The following HNRNPL variants were observed in gnomAD, a reference collection of about 807,000 sequenced individuals.
HNRNPL encodes the protein heterogeneous nuclear ribonucleoprotein L.
Under a neutral mutation model 64.0 loss-of-function variants are expected in HNRNPL, and 12 were observed. The ratio of observed to expected loss-of-function variants is 0.19; its 90% CI spans 0.12 to 0.30. The LOEUF (loss-of-function observed/expected upper bound fraction) is 0.30. HNRNPL is among the 10% of genes least tolerant of loss of function. The pLI, the probability that HNRNPL is intolerant of heterozygous loss-of-function variation, is 1.00. For synonymous variants in HNRNPL, 385 were observed against 313.0 expected (o/e 1.23, Z -2.43); for missense variants, 484 against 797.4 (o/e 0.61, Z 4.73).
chr19:38,847,122 G>A (rs928735162), intron 2 of HNRNPL, among the ~76,000 whole-genome samples, 194 bp downstream of exon 2: 11 of 152,100 alleles, frequency 7.2e-5, no homozygotes, highest in African/African-American at 2.2e-4. Context: ...GAGGAAAAAC[G>A]AAGGAAGGAA....
intron 10 of HNRNPL, 66 bp downstream of exon 10, chr19:38,838,331 A>C (rs1276790593): frequency 7.3e-7 from 1 of 1,363,132 alleles, no homozygotes; most frequent in African/African-American, 1.4e-5. Context: ...AAAAGACTGA[A>C]ATGAATGGCC....
chr19:38,841,301 CACA>C (rs778095566), intron 6 of HNRNPL: 22 of 328,016 alleles, frequency 6.7e-5, no homozygotes, highest in African/African-American at 1.1e-4. Context: ...TGAAATTCCT[CACA>C]ACAACCCTAT....
intron 1 of HNRNPL, among the ~76,000 whole-genome samples, chr19:38,848,521 C>T (rs752079077): frequency 3.3e-5 from 5 of 152,256 alleles, no homozygotes; most frequent in Non-Finnish European, 5.9e-5. Context: ...TAACTCTCTT[C>T]CGCCTCTCCT....
Position 38,836,831 on chromosome 19 carries a change from A to T in HNRNPL, c.1712-51T>A, listed in dbSNP as rs551217755. Reference sequence around the variant, plus strand: ...GGTTCCCGTCTTTGGAGGCTCCCCAAACCCAGGTCCCCTCAAGTTTGTACC... The same window carrying T: ...GGTTCCCGTCTTTGGAGGCTCCCCATACCCAGGTCCCCTCAAGTTTGTACC... On this transcript the variant is annotated intron_variant, in intron 12 of 12. Transcript: ENST00000221419. 8 of 1,405,958 alleles carry T rather than the reference A, an allele frequency of 5.7e-6. No homozygotes were observed. The East Asian group carries it at 1.6e-4, about 28-fold the overall frequency. 87.1% of individuals were successfully genotyped at this position (1,405,958 alleles called of 1,614,324 possible). A position where few individuals can be genotyped will look rare whatever the true frequency, so the allele number is the denominator to read the frequency against.
intron 7 of HNRNPL, 24 bp from the exon 8 acceptor site, chr19:38,840,400 G>A (rs369853294): frequency 1.3e-6 from 2 of 1,566,654 alleles, no homozygotes; most frequent in Admixed American, 3.9e-5. Flanking sequence ...AGGAAAGAGA[G>A]GGAGGACGGG....
chr19:38,846,563 G>A (rs1328724165), intron 2 of HNRNPL, among the ~76,000 whole-genome samples: 4 of 152,188 alleles, frequency 2.6e-5, no homozygotes, highest in African/African-American at 4.8e-5. Context: ...CTTGGGCCTA[G>A]GAGTTTGAGA....
intron 6 of HNRNPL, 31 bp downstream of exon 6, chr19:38,843,811 A>G (rs756738326): frequency 3.2e-6 from 5 of 1,569,226 alleles, no homozygotes; most frequent in East Asian, 2.2e-5. Context: ...CAAGGCGGGT[A>G]TGTTTAGAAC....
intron 6 of HNRNPL, 158 bp from the exon 7 acceptor site, chr19:38,840,717 C>T (rs891003922): frequency 2.3e-5 from 15 of 653,924 alleles, no homozygotes; most frequent in Non-Finnish European, 3.5e-5. Context: ...TGACCTACGG[C>T]GGGCATGAAG....
upstream of HNRNPL, among the ~76,000 whole-genome samples, chr19:38,850,644 G>A (rs976273338): frequency 6.6e-6 from 1 of 152,356 alleles, no homozygotes; most frequent in East Asian, 1.9e-4. Context: ...CAGAGGCGGG[G>A]CCCCCTTATG....
chr19:38,838,635 CAA>C, intron 9 of HNRNPL, 37 bp from the exon 10 acceptor site: 5 of 1,589,530 alleles, frequency 3.1e-6, no homozygotes, highest in Non-Finnish European at 4.3e-6. Context: ...TTGTCATACC[CAA>C]AGTTGTCCCT....
chr19:38,844,273 T>C (rs1568371717), intron 4 of HNRNPL, among the ~76,000 whole-genome samples, 169 bp from the exon 5 acceptor site: 1 of 152,204 alleles, frequency 6.6e-6, no homozygotes, highest in Non-Finnish European at 1.5e-5. Context: ...ACCAAAACGG[T>C]GTTGATGGAC....
chr19:38,843,837 A>T lies in HNRNPL; in HGVS notation c.880+5T>A. 6.2e-7 allele frequency: 1 copy of T among 1,612,574 alleles called. No homozygotes were observed. Among genetic ancestry groups the T allele is most frequent in the Non-Finnish European group, 8.5e-7 (1 of 1,178,542 alleles). On this transcript the variant is annotated splice_donor_5th_base_variant and intron_variant, in intron 6 of 12. Coordinates refer to ENST00000221419, the MANE Select transcript of HNRNPL (RefSeq NM_001533.3). ...TGTTTAGAACAAAGTGGTCGTCAAGATTACCTTGTCCACTGAGATTGGGGT... is the reference window on the plus strand; with the variant it reads ...TGTTTAGAACAAAGTGGTCGTCAAGTTTACCTTGTCCACTGAGATTGGGGT...
Position 38,840,312 on chromosome 19 carries a change from G to C in HNRNPL, c.1017C>G (p.His339Gln), listed in dbSNP as rs1972069634. 2.6e-6 allele frequency: 4 copies of C among 1,556,512 alleles called. No homozygotes were observed. Among genetic ancestry groups the C allele is most frequent in the Non-Finnish European group, 3.5e-6 (4 of 1,147,066 alleles). Residue 339 changes from histidine (H) to glutamine (Q), a missense_variant, in exon 8 of 13, where the codon CAC (histidine) becomes CAG (glutamine). By Grantham distance (24) the His-to-Gln change is conservative. Around this residue, in one of 9 missense-constraint regions of HNRNPL, gnomAD observed 46 missense variants for 37.4 expected, o/e 1.23. Coordinates refer to ENST00000221419, the MANE Select transcript of HNRNPL (RefSeq NM_001533.3). ...GTGGACCCATCCTTCTCCCTTCGTA[G>C]TGAGGTGGGGGGGGCCCGTAGCCCT... is the stretch of plus-strand genomic sequence containing the variant. Reference protein sequence around the residue: ...HDEGYGPPPPHYEGRRMGPPV... With the variant: ...HDEGYGPPPPQYEGRRMGPPV...
In HNRNPL at chr19:38,836,915, G is replaced by A. The variant is rs1971947377; in HGVS notation, c.1712-135C>T. ...TCTAAGGAGTGACTGCCCAACGTGA[G>A]GCTTCAAGATGAGCCAATTACCAAT... On this transcript the variant is annotated intron_variant, in intron 12 of 12. Transcript: ENST00000221419. 1.1e-5 allele frequency: 7 copies of A among 622,092 alleles called. No individual in the cohort carries two copies. The South Asian group carries it at 1.5e-4, about 14-fold the overall frequency. The allele number at this position is 622,092 out of a possible 1,614,324, so 38.5% of individuals were successfully genotyped here.
At chr19:38,852,028 G>A (rs1412413635), upstream of HNRNPL, among the ~76,000 whole-genome samples, 2 of 151,614 alleles carry the variant, frequency 1.3e-5, no homozygotes, top group South Asian at 2.1e-4. Context: ...GGTGGGGGGA[G>A]GGGGAGAGAG....
In HNRNPL at chr19:38,838,559, G is replaced by A. The variant is rs772507708; in HGVS notation, c.1395C>T (p.Tyr465=). ...KQPAIMPGQS[Y]GLEDGSCSYK... ...AACTGCAAGACCCGTCTTCCAACCC[G>A]TATGACTGACCAGGCATGATGGCTG... Residue 465 remains tyrosine, a synonymous_variant, in exon 10 of 13, where the codon TAC becomes TAT. Transcript: ENST00000221419. 9.9e-6 allele frequency: 16 copies of A among 1,614,102 alleles called. No homozygotes were observed. Among genetic ancestry groups the A allele is most frequent in the South Asian group, 6.6e-5 (6 of 91,076 alleles).
chr19:38,837,027 T>C (rs117497239), intron 12 of HNRNPL: 2 of 544,916 alleles, frequency 3.7e-6, no homozygotes, highest in East Asian at 6.0e-5. Flanking sequence ...AATGGGCCTC[T>C]CCCAGCAACT....
chr19:38,838,328 T>G (rs73537647), intron 10 of HNRNPL, 69 bp downstream of exon 10: 1 of 1,334,732 alleles, frequency 7.5e-7, no homozygotes, highest in Non-Finnish European at 1.1e-6. Context: ...CAGAAAAGAC[T>G]GAAATGAATG....
chr19:38,843,969 G>C (rs200635144), intron 5 of HNRNPL, 39 bp downstream of exon 5: 18 of 1,606,398 alleles, frequency 1.1e-5, no homozygotes, highest in Non-Finnish European at 1.4e-5. Flanking sequence ...AGCTCACCTG[G>C]AAGCTGACAA....
Sources: allele counts gnomAD v4.1 joint callset (sites outside exome capture counted in the v4.1 genomes callset), GRCh38; gene constraint gnomAD v4.1.1; regional missense constraint gnomAD v4.1.1; transcripts MANE v1.5; gene names NCBI Gene and HGNC (gene_info 2026-07-23, HGNC 2026-07-21).